The following PLAC1 variants were observed in gnomAD, a reference collection of about 807,000 sequenced individuals.
The protein encoded by PLAC1 is placenta associated 1, also known as placenta-specific protein 1.
For synonymous variants in PLAC1, 68 were observed against 62.1 expected (o/e 1.09, Z -0.44); for missense variants, 136 against 163.2 (o/e 0.83, Z 0.91).
intron 2 of PLAC1, among the ~76,000 whole-genome samples, chrX:134,569,739 A>AGTGTGTGTGT (rs749953575): frequency 0.01 from 735 of 72,050 alleles, 8 homozygotes; most frequent in Middle Eastern, 0.017. Flanking sequence ...AGGGTAGAGT[A>AGTGTGTGTGT]GTGTGTGTGT....
At chrX:134,677,679 G>A (rs1293318661) in intron 2 of PLAC1, among the ~76,000 whole-genome samples, 2 of 111,850 alleles carry the variant, frequency 1.8e-5, no homozygotes, top group African/African-American at 6.5e-5. Flanking sequence ...TCACATAATG[G>A]CGGCCATGGC....
At chrX:134,705,926 ACT>A (rs1357149670) in intron 2 of PLAC1, among the ~76,000 whole-genome samples, 1 of 112,058 alleles carries the variant, frequency 8.9e-6, no homozygotes, top group Non-Finnish European at 1.9e-5. Context: ...ATATAAGATG[ACT>A]CTGACAGGTA....
At chrX:134,654,953 T>C (rs1043414215) in intron 1 of PLAC1, among the ~76,000 whole-genome samples, 1 of 112,095 alleles carries the variant, frequency 8.9e-6, no homozygotes, top group Non-Finnish European at 1.9e-5. Context: ...CCCAGTTGAA[T>C]AGATAAGAGA....
At chrX:134,624,678 TTGTA>T (rs1222452175) in intron 1 of PLAC1, among the ~76,000 whole-genome samples, 2 of 111,683 alleles carry the variant, frequency 1.8e-5, no homozygotes, top group Non-Finnish European at 3.8e-5. Flanking sequence ...ACCTGGGGCT[TTGTA>T]TGTGGTTAAA....
intron 1 of PLAC1, among the ~76,000 whole-genome samples, chrX:134,734,492 C>T (rs1487377173): frequency 8.9e-6 from 1 of 112,422 alleles, no homozygotes; most frequent in Non-Finnish European, 1.9e-5. Context: ...TAATCTGCCC[C>T]CAATGGCTGG....
chrX:134,685,546 G>A (rs944924448), intron 2 of PLAC1, among the ~76,000 whole-genome samples: 1 of 99,386 alleles, frequency 1.0e-5, no homozygotes, highest in African/African-American at 3.8e-5. Flanking sequence ...AATGCCTCAT[G>A]GAAGAACAGG....
At chrX:134,572,022 GA>G (rs1338544534) in intron 2 of PLAC1, among the ~76,000 whole-genome samples, 1 of 111,926 alleles carries the variant, frequency 8.9e-6, no homozygotes, top group Non-Finnish European at 1.9e-5. Context: ...AAACAGCAGG[GA>G]AAAGGAAACT....
chrX:134,717,719 G>A (rs962622761), intron 2 of PLAC1, among the ~76,000 whole-genome samples: 1 of 111,823 alleles, frequency 8.9e-6, no homozygotes, highest in Non-Finnish European at 1.9e-5. Flanking sequence ...CTGATTTTTC[G>A]TCAAAAAGGC....
intron 1 of PLAC1, among the ~76,000 whole-genome samples, chrX:134,653,656 C>A (rs1156978853): frequency 1.8e-5 from 2 of 111,332 alleles, no homozygotes; most frequent in East Asian, 5.7e-4. Context: ...GCACACAAGG[C>A]CCCTCAGAGC....
chrX:134,663,665 C>G (rs778210730), intron 2 of PLAC1, among the ~76,000 whole-genome samples: 1 of 112,568 alleles, frequency 8.9e-6, no homozygotes, highest in South Asian at 3.7e-4. Flanking sequence ...AGTTCTAACC[C>G]TCTTCATTTG....
chrX:134,673,517 A>T (rs1354449499), intron 2 of PLAC1, among the ~76,000 whole-genome samples: 1 of 104,740 alleles, frequency 9.5e-6, no homozygotes, highest in Non-Finnish European at 2.0e-5. Context: ...CATAGTCTCA[A>T]TTTTTTTTTT....
chrX:134,610,943 C>T (rs977257637), intron 1 of PLAC1, among the ~76,000 whole-genome samples: 1 of 111,347 alleles, frequency 9.0e-6, no homozygotes, highest in African/African-American at 3.3e-5. Flanking sequence ...TCCTCCTACC[C>T]CAGCCTTCTG....
rs372297623 is a variant in PLAC1 at position 134,701,024 on chromosome X, C to T, written n.174+32411G>A. Among the ~76,000 whole-genome samples the T allele has an allele frequency of 9.8e-5, 11 of 111,856 alleles. No homozygotes were observed. In the East Asian group the frequency reaches 1.4e-3, roughly 14 times the overall value. ...ATAAAGCCAGAGGCATCACATTACA[C>T]GACTTCAAACTATACTATAAGGCTA... On this transcript the variant is annotated intron_variant and non_coding_transcript_variant, in intron 2 of 2. Transcript: ENST00000466797.
chrX:134,635,004 A>G (rs976100652), intron 1 of PLAC1, among the ~76,000 whole-genome samples: 1 of 111,758 alleles, frequency 8.9e-6, no homozygotes, highest in Non-Finnish European at 1.9e-5. Context: ...GAGAGCTCCA[A>G]TTCCTGGAGG....
chrX:134,565,930 T>G lies in PLAC1; in HGVS notation c.*114A>C, dbSNP rs1982. The G allele has an allele frequency of 0.4, 216,016 of 542,346 alleles. 33,795 individuals carry two copies. Among genetic ancestry groups the G allele is most frequent in the African/African-American group, 0.8 (34,344 of 42,887 alleles). The allele number at this position is 542,346 out of a possible 1,213,427, so 44.7% of individuals were successfully genotyped here. A position where few individuals can be genotyped will look rare whatever the true frequency, so the allele number is the denominator to read the frequency against. ...TTAATTCATGAAGTTGCTATAGGTT[T>G]CTCTTTCTCAAAAGTGCTCACATGA... On this transcript the variant is annotated 3_prime_UTR_variant, in exon 3 of 3. Coordinates refer to ENST00000359237, the MANE Select transcript of PLAC1 (RefSeq NM_021796.4).
chrX:134,627,428 A>C (rs1404852596), intron 1 of PLAC1, among the ~76,000 whole-genome samples: 2 of 112,460 alleles, frequency 1.8e-5, no homozygotes, highest in Non-Finnish European at 3.7e-5. Context: ...TCAGGCCAGA[A>C]ATTCCACTGA....
At chrX:134,673,004 T>C (rs2078461138) in intron 2 of PLAC1, among the ~76,000 whole-genome samples, 1 of 112,465 alleles carries the variant, frequency 8.9e-6, no homozygotes, top group African/African-American at 3.2e-5. Flanking sequence ...CCCCTCTGTG[T>C]CTGCTTAAAC....
At chrX:134,700,401 T>A (rs1032693626) in intron 2 of PLAC1, among the ~76,000 whole-genome samples, 2 of 111,807 alleles carry the variant, frequency 1.8e-5, no homozygotes, top group African/African-American at 6.5e-5. Context: ...TCCTGTAAAA[T>A]ACATTGTATG....
At chrX:134,608,981 CTT>C (rs11415313) in intron 1 of PLAC1, among the ~76,000 whole-genome samples, 1 of 107,825 alleles carries the variant, frequency 9.3e-6, no homozygotes, top group Admixed American at 9.9e-5. Flanking sequence ...GCCTCTTTTT[CTT>C]TTTTTAGAGA....
Sources: gnomAD v4.1 joint callset for allele counts (sites outside exome capture counted in the v4.1 genomes callset) on GRCh38, gnomAD v4.1.1 for gene constraint, MANE v1.5 for transcripts, NCBI Gene and HGNC (gene_info 2026-07-23, HGNC 2026-07-21) for gene names.